The following CCKBR variants were observed in gnomAD, a reference collection of about 807,000 sequenced individuals.
CCKBR encodes cholecystokinin B receptor.
A neutral mutation model predicts 34.6 loss-of-function variants in CCKBR; 33 were observed. The ratio of observed to expected loss-of-function variants is 0.95; its 90% CI spans 0.72 to 1.27. CCKBR has a LOEUF of 1.27. Among genes scored for constraint, CCKBR ranks in the 50% most tolerant of loss-of-function variants. The pLI, the probability that CCKBR is intolerant of heterozygous loss-of-function variation, is 0.00. For missense variants in CCKBR, 652 were observed against 617.4 expected, an observed-to-expected ratio of 1.06 and a Z score of -0.59; for synonymous variants, 269 against 267.5, an observed-to-expected ratio of 1.01 and a Z score of -0.06.
chr11:6,264,916 C>T (rs1848189625), intron 1 of CCKBR, among the ~76,000 whole-genome samples: 1 of 152,216 alleles, frequency 6.6e-6, no homozygotes, highest in Non-Finnish European at 1.5e-5. Context: ...GTACATGTGT[C>T]ACAATTTATG....
chr11:6,260,145 C>A (rs1275260755), intron 1 of CCKBR, 66 bp downstream of exon 1: 8 of 1,203,414 alleles, frequency 6.6e-6, no homozygotes, highest in Non-Finnish European at 8.0e-6. Context: ...CTAATAGAGT[C>A]CCCCCAACGA....
chr11:6,271,579 A>ATGACATGCAC lies in CCKBR; in HGVS notation c.*41_*50dup. The ATGACATGCAC allele has an allele frequency of 6.5e-7, 1 of 1,535,928 alleles. No homozygotes were observed. The highest frequency in any genetic ancestry group is 8.7e-7 in the Non-Finnish European group (1 of 1,144,980). On this transcript the variant is annotated 3_prime_UTR_variant, in exon 5 of 5. Transcript: ENST00000334619. ...GGCCGTGGGGGTTGAGGCAGGGCAA[A>ATGACATGCAC]TGACATGCACTGACCCTTCCAGACA...
In CCKBR at chr11:6,270,300, G is replaced by T. The variant is rs749874540; in HGVS notation, c.616G>T (p.Val206Leu). Reference sequence around the variant, plus strand: ...AGTGGGGCCTCGTGTGCTGCAGTGCGTGCATCGCTGGCCCAGTGCGCGGGT... The same window carrying T: ...AGTGGGGCCTCGTGTGCTGCAGTGCTTGCATCGCTGGCCCAGTGCGCGGGT... The part of the protein sequence containing the change: ...QPVGPRVLQC[V>L]HRWPSARVRQ... Residue 206 changes from valine (V) to leucine (L), a missense_variant, in exon 3 of 5, where the codon GTG becomes TTG. Physicochemically the swap from Val to Leu is conservative, Grantham distance 32. Transcript: ENST00000334619. 6.2e-7 allele frequency: 1 copy of T among 1,613,186 alleles called. No individual in the cohort carries two copies. Among genetic ancestry groups the T allele is most frequent in the Admixed American group, 1.7e-5 (1 of 59,996 alleles).
chr11:6,264,464 C>G (rs922130996), intron 1 of CCKBR: 3 of 658,248 alleles, frequency 4.6e-6, no homozygotes, highest in Non-Finnish European at 8.2e-6. Context: ...ACTTCTCTGC[C>G]ATTATCTAGA....
chr11:6,260,272 A>G (rs929769225), intron 1 of CCKBR, among the ~76,000 whole-genome samples, 193 bp downstream of exon 1: 1 of 150,778 alleles, frequency 6.6e-6, no homozygotes, highest in Non-Finnish European at 1.5e-5. Context: ...ACAGCTTCAC[A>G]CCACCTGGTC....
intron 1 of CCKBR, among the ~76,000 whole-genome samples, chr11:6,268,451 T>C (rs1470369770): frequency 1.3e-5 from 2 of 152,140 alleles, no homozygotes; most frequent in African/African-American, 4.8e-5. Flanking sequence ...GATGTGGTGG[T>C]CCAAAGATTA....
chr11:6,271,081 C>T lies in CCKBR; in HGVS notation c.882C>T (p.Tyr294=), dbSNP rs766130597. The change falls in exon 5 of 5, where the codon TAC becomes TAT. Residue 294 remains tyrosine (Y), a synonymous_variant. Coordinates refer to ENST00000334619, the MANE Select transcript of CCKBR (RefSeq NM_176875.4). The stretch of plus-strand genomic sequence containing the variant: ...TTGGCGAAGACAGCGATGGCTGCTA[C>T]GTGCAACTTCCACGTTCCCGGCCTG... ...GAVGEDSDGC[Y]VQLPRSRPAL... 11 of 1,614,142 alleles carry T rather than the reference C, an allele frequency of 6.8e-6. No homozygotes were observed. The highest frequency in any genetic ancestry group is 9.3e-6 in the Non-Finnish European group (11 of 1,180,030).
Position 6,271,175 on chromosome 11 carries a change from C to G in CCKBR, c.976C>G (p.Leu326Val), listed in dbSNP as rs1374387026. 1 of 1,614,204 alleles carries G rather than the reference C, an allele frequency of 6.2e-7. No individual in the cohort carries two copies. The highest frequency in any genetic ancestry group is 8.5e-7 in the Non-Finnish European group (1 of 1,180,032). ...CTCCCGGCCCACCCAGGCCAAGCTG[C>G]TGGCTAAGAAGCGCGTGGTGCGAAT... ...SGSRPTQAKL[L>V]AKKRVVRMLL... Residue 326 changes from leucine to valine, a missense_variant, in exon 5 of 5, where the codon CTG becomes GTG. By Grantham distance (32) the Leu-to-Val change is conservative. Transcript: ENST00000334619.
At chr11:6,266,110 T>C (rs557773802) in intron 1 of CCKBR, among the ~76,000 whole-genome samples, 84 of 152,196 alleles carry the variant, frequency 5.5e-4, no homozygotes, top group African/African-American at 2.0e-3. Flanking sequence ...AGACAGAGAA[T>C]TACATACATA....
intron 1 of CCKBR, among the ~76,000 whole-genome samples, chr11:6,267,461 C>T (rs989373338): frequency 6.6e-6 from 1 of 152,178 alleles, no homozygotes; most frequent in African/African-American, 2.4e-5. Context: ...TCTTGTCCCA[C>T]TGGAAGGTCA....
At chr11:6,266,647 G>A (rs11040831) in intron 1 of CCKBR, among the ~76,000 whole-genome samples, 24,936 of 152,166 alleles carry the variant, frequency 0.16, 2,156 homozygotes, top group Middle Eastern at 0.29. Context: ...GTGTGGTCTT[G>A]AGCAAAGAAT....
chr11:6,261,524 G>A (rs774430867), intron 1 of CCKBR, among the ~76,000 whole-genome samples: 6 of 145,778 alleles, frequency 4.1e-5, no homozygotes, highest in Non-Finnish European at 6.0e-5. Context: ...AGCCAGCCAA[G>A]TGAACGGGCA....
chr11:6,271,150 C>T lies in CCKBR; in HGVS notation c.951C>T (p.Gly317=). 1 of 1,614,090 alleles carries T rather than the reference C, an allele frequency of 6.2e-7. No individual in the cohort carries two copies. The highest frequency in any genetic ancestry group is 1.1e-5 in the South Asian group (1 of 91,080). ...TALTAPGPGS[G]SRPTQAKLLA... Reference sequence around the variant, plus strand: ...TGACGGCTCCTGGGCCGGGATCCGGCTCCCGGCCCACCCAGGCCAAGCTGC... The same window carrying T: ...TGACGGCTCCTGGGCCGGGATCCGGTTCCCGGCCCACCCAGGCCAAGCTGC... The change falls in exon 5 of 5, where the codon GGC becomes GGT. Residue 317 remains glycine (G), a synonymous_variant. Coordinates refer to ENST00000334619, the MANE Select transcript of CCKBR (RefSeq NM_176875.4).
At position 6,271,034 on chromosome 11, in the gene CCKBR, T is replaced by C. The variant is rs557999450; in HGVS notation, c.835T>C (p.Cys279Arg). 1.2e-5 allele frequency: 19 copies of C among 1,614,196 alleles called. No homozygotes were observed. The East Asian group carries it at 3.3e-4, about 28-fold the overall frequency. Residue 279 changes from cysteine (C) to arginine (R), a missense_variant, in exon 5 of 5, where the codon TGC becomes CGC. Coordinates refer to ENST00000334619, the MANE Select transcript of CCKBR (RefSeq NM_176875.4). The part of the protein sequence containing the change: ...LPGAVHQNGR[C>R]RPETGAVGED... Reference sequence around the variant, plus strand: ...AGGGGCTGTTCACCAGAACGGGCGTTGCCGGCCTGAGACTGGCGCGGTTGG... The same window carrying C: ...AGGGGCTGTTCACCAGAACGGGCGTCGCCGGCCTGAGACTGGCGCGGTTGG...
intron 1 of CCKBR, among the ~76,000 whole-genome samples, chr11:6,261,462 T>C (rs868332813): frequency 0.011 from 727 of 63,964 alleles, 72 homozygotes; most frequent in African/African-American, 0.032. Context: ...AAAATATATA[T>C]ACACACACAC....
chr11:6,268,044 A>G (rs532498645), intron 1 of CCKBR, among the ~76,000 whole-genome samples: 3 of 152,216 alleles, frequency 2.0e-5, no homozygotes, highest in African/African-American at 7.2e-5. Flanking sequence ...GGACTTTGCT[A>G]TGTTGCTCAG....
Position 6,271,545 on chromosome 11 carries a change from G to A in CCKBR, c.*2G>A. The A allele has an allele frequency of 6.3e-7, 1 of 1,583,582 alleles. No individual in the cohort carries two copies. Among genetic ancestry groups the A allele is most frequent in the Non-Finnish European group, 8.6e-7 (1 of 1,165,002 alleles). Reference sequence around the variant, plus strand: ...ATCAGCACACTGGGCCCTGGCTGAGGAGTAGAGGGGCCGTGGGGGTTGAGG... The same window carrying A: ...ATCAGCACACTGGGCCCTGGCTGAGAAGTAGAGGGGCCGTGGGGGTTGAGG... On this transcript the variant is annotated 3_prime_UTR_variant, in exon 5 of 5. Transcript: ENST00000334619.
chr11:6,265,952 C>T (rs1848203266), intron 1 of CCKBR, among the ~76,000 whole-genome samples: 1 of 152,194 alleles, frequency 6.6e-6, no homozygotes, highest in Non-Finnish European at 1.5e-5. Context: ...AGGTGCACTT[C>T]TGTCTTGAAA....
Position 6,271,716 on chromosome 11 carries a change from G to A in CCKBR, c.*173G>A. 1 of 640,916 alleles carries A rather than the reference G, an allele frequency of 1.6e-6. No individual in the cohort carries two copies. 39.7% of individuals were successfully genotyped at this position (640,916 alleles called of 1,614,324 possible). A position where few individuals can be genotyped will look rare whatever the true frequency, so the allele number is the denominator to read the frequency against. On this transcript the variant is annotated 3_prime_UTR_variant, in exon 5 of 5. Coordinates refer to ENST00000334619, the MANE Select transcript of CCKBR (RefSeq NM_176875.4). ...ACACAAGAGGAATAAGAATGGAGCAGTACATGGGAAAGGAGGCATGCCTCT... is the reference window on the plus strand; with the variant it reads ...ACACAAGAGGAATAAGAATGGAGCAATACATGGGAAAGGAGGCATGCCTCT...
Sources: allele counts gnomAD v4.1 joint callset (sites outside exome capture counted in the v4.1 genomes callset), GRCh38; gene constraint gnomAD v4.1.1; transcripts MANE v1.5; gene names NCBI Gene and HGNC (gene_info 2026-07-23, HGNC 2026-07-21).